The following MAX variants were observed in gnomAD, a reference collection of about 807,000 sequenced individuals.
The protein encoded by MAX is MYC associated transcriptional regulator X.
A neutral mutation model predicts 22.3 loss-of-function variants in MAX; 3 were observed. The observed-to-expected ratio is 0.13, with a 90% CI of 0.06 to 0.35. The LOEUF is 0.35. Ranked by LOEUF, MAX falls within the 10% of genes least tolerant of loss-of-function variation. The pLI is 1.00. For missense variants in MAX, 119 were observed against 209.4 expected, an observed-to-expected ratio of 0.57 and a Z score of 2.66; for synonymous variants, 72 against 77.7, an observed-to-expected ratio of 0.93 and a Z score of 0.39.
At chr14:65,071,146 ATT>A (rs796434858), downstream of MAX, among the ~76,000 whole-genome samples, 73 of 140,434 alleles carry the variant, frequency 5.2e-4, no homozygotes, top group Middle Eastern at 3.7e-3. This position sits in a 1 kb window ranked among gnomAD's most constrained non-coding sequence, Gnocchi z 4.2. Flanking sequence ...TTCACTCCAC[ATT>A]TTTTTTTTTC....
At chr14:65,042,666 A>T (rs1404179585) in intron 3 of MAX, among the ~76,000 whole-genome samples, 1 of 152,232 alleles carries the variant, frequency 6.6e-6, no homozygotes, top group Non-Finnish European at 1.5e-5. Context: ...CTTTGGGAGA[A>T]GTAGGACCCA....
chr14:65,016,749 A>G (rs553160318), intron 3 of MAX, among the ~76,000 whole-genome samples: 74 of 152,314 alleles, frequency 4.9e-4, no homozygotes, highest in African/African-American at 1.8e-3. Flanking sequence ...ATAATAAAGA[A>G]TTAGGCCATT....
intron 3 of MAX, among the ~76,000 whole-genome samples, chr14:65,040,357 A>G (rs553210052): frequency 1.3e-5 from 2 of 150,694 alleles, no homozygotes; most frequent in Non-Finnish European, 2.9e-5. Flanking sequence ...CTTTTTCCCA[A>G]AGAGTAATAA....
intron 3 of MAX, chr14:65,061,098 A>G: frequency 6.4e-7 from 1 of 1,560,782 alleles, no homozygotes; most frequent in Non-Finnish European, 8.7e-7. Context: ...AATTCTTAGA[A>G]GTGCCTTTCA....
At chr14:65,060,913 G>A (rs1233973021) in intron 3 of MAX, among the ~76,000 whole-genome samples, 3 of 140,102 alleles carry the variant, frequency 2.1e-5, no homozygotes, top group Non-Finnish European at 4.6e-5. Context: ...AGATAGTATT[G>A]TACATACTGT....
At position 65,097,929 on chromosome 14, in the gene MAX, C is replaced by T. The variant is rs563924964; in HGVS notation, c.63+3617G>A. On this transcript the variant is annotated intron_variant, in intron 2 of 4. Coordinates refer to ENST00000358664, the MANE Select transcript of MAX (RefSeq NM_002382.5). The stretch of plus-strand genomic sequence containing the variant: ...TAGCTGATTGCCTGGTATACATTTC[C>T]AACATTATCTAATGTATGTATTTGT... Among the ~76,000 whole-genome samples, 19 of 152,292 alleles carry T rather than the reference C, an allele frequency of 1.2e-4. 1 individual carries two copies. In the South Asian group the frequency reaches 3.9e-3, roughly 32 times the overall value.
chr14:65,041,710 C>T (rs537715434), intron 3 of MAX, among the ~76,000 whole-genome samples: 1 of 152,286 alleles, frequency 6.6e-6, no homozygotes, highest in Admixed American at 6.5e-5. Flanking sequence ...GTCTTGCCTC[C>T]ACCTTCAGAA....
chr14:65,051,796 A>G (rs1016272791), intron 3 of MAX, among the ~76,000 whole-genome samples: 1 of 148,316 alleles, frequency 6.7e-6, no homozygotes, highest in African/African-American at 2.4e-5. Flanking sequence ...TCACCATAGG[A>G]ATTTTTTTTT....
intron 3 of MAX, among the ~76,000 whole-genome samples, chr14:65,045,043 T>C (rs1043346747): frequency 4.6e-5 from 7 of 152,040 alleles, no homozygotes; most frequent in African/African-American, 1.7e-4. Context: ...ACCATTGGAG[T>C]AGAGAAATCC....
chr14:65,027,338 C>A lies in MAX; in HGVS notation c.172-21054G>T. ...TTCAACAAGTGGGAGGAGAGGTTCC[C>A]CTCAACTTTTGAGGGAGTGGGGGAT... On this transcript the variant is annotated intron_variant, in intron 3 of 3. Coordinates refer to the MAX transcript ENST00000341653. This position sits in a 1 kb window ranked among gnomAD's most constrained non-coding sequence, Gnocchi z 5.7. 6.6e-7 allele frequency: 1 copy of A among 1,512,382 alleles called. No homozygotes were observed. Among genetic ancestry groups the A allele is most frequent in the Non-Finnish European group, 8.9e-7 (1 of 1,121,190 alleles). The allele number at this position is 1,512,382 out of a possible 1,614,324, so 93.7% of individuals were successfully genotyped here. A position where few individuals can be genotyped will look rare whatever the true frequency, so the allele number is the denominator to read the frequency against.
intron 3 of MAX, chr14:65,061,706 G>A (rs1454706604): frequency 5.4e-6 from 1 of 186,120 alleles, no homozygotes; most frequent in African/African-American, 2.3e-5. Flanking sequence ...CAGACTGGGT[G>A]CCCTCCGATG....
chr14:65,065,139 G>A (rs1235868372), intron 3 of MAX, among the ~76,000 whole-genome samples: 2 of 152,212 alleles, frequency 1.3e-5, no homozygotes, highest in African/African-American at 4.8e-5. Context: ...CTGTATGACG[G>A]GGAAAAGCAG....
chr14:65,024,211 A>G (rs1009963869), intron 3 of MAX, among the ~76,000 whole-genome samples: 2 of 152,178 alleles, frequency 1.3e-5, no homozygotes, highest in Admixed American at 1.3e-4. Context: ...TTTGAGAAGC[A>G]CTGATACCTG....
chr14:65,077,291 A>C lies in MAX; in HGVS notation c.295+622T>G, dbSNP rs2063084589. 28 of 1,311,624 alleles carry C rather than the reference A, an allele frequency of 2.1e-5. No individual in the cohort carries two copies. Among genetic ancestry groups the C allele is most frequent in the Non-Finnish European group, 3.0e-5 (28 of 926,368 alleles). The allele number at this position is 1,311,624 out of a possible 1,614,324, so 81.2% of individuals were successfully genotyped here. On this transcript the variant is annotated intron_variant, in intron 4 of 4. Coordinates refer to ENST00000358664, the MANE Select transcript of MAX (RefSeq NM_002382.5). The surrounding 1 kb of genome is among the most constrained non-coding windows in gnomAD (Gnocchi z 6.3). Reference sequence around the variant, plus strand: ...TTGAGCCTGGAAGGTCAACCCATTTAATTTATTTTATTTTATTTTATTTGA... The same window carrying C: ...TTGAGCCTGGAAGGTCAACCCATTTCATTTATTTTATTTTATTTTATTTGA...
chr14:65,085,044 T>A (rs546733464), intron 3 of MAX, among the ~76,000 whole-genome samples: 2 of 152,070 alleles, frequency 1.3e-5, no homozygotes, highest in Non-Finnish European at 2.9e-5. Flanking sequence ...ATGTGGCTAA[T>A]AAACACTTGA....
intron 3 of MAX, among the ~76,000 whole-genome samples, chr14:65,020,305 G>T (rs1200844119): frequency 6.6e-6 from 1 of 152,238 alleles, no homozygotes; most frequent in Non-Finnish European, 1.5e-5. Flanking sequence ...TAGAGACAGT[G>T]CCTTGCTGTG....
intron 3 of MAX, among the ~76,000 whole-genome samples, chr14:65,008,731 C>T (rs186619490): frequency 6.6e-6 from 1 of 152,326 alleles, no homozygotes; most frequent in East Asian, 1.9e-4. Context: ...GACCAGAGCT[C>T]AGGGGCGGAG....
chr14:65,096,615 T>C (rs2063682501), intron 2 of MAX, among the ~76,000 whole-genome samples: 1 of 152,006 alleles, frequency 6.6e-6, no homozygotes, highest in Non-Finnish European at 1.5e-5. Context: ...GCAACCCTTT[T>C]TGAGAGGGCC....
intron 3 of MAX, among the ~76,000 whole-genome samples, chr14:65,046,091 C>G (rs1046877680): frequency 6.6e-6 from 1 of 152,144 alleles, no homozygotes; most frequent in Admixed American, 6.5e-5. Flanking sequence ...ATTCTCCTGC[C>G]TTAGCCTCCT....
Sources: gnomAD v4.1 joint callset for allele counts (sites outside exome capture counted in the v4.1 genomes callset) on GRCh38, gnomAD v4.1.1 for gene constraint, Gnocchi (gnomAD v3.1) non-coding constraint, MANE v1.5 for transcripts, NCBI Gene and HGNC (gene_info 2026-07-23, HGNC 2026-07-21) for gene names.